The following PPP1R12B variants were observed in gnomAD, a reference collection of about 807,000 sequenced individuals.
PPP1R12B encodes the protein myosin phosphatase target subunit 2.
PPP1R12B carries 76 observed loss-of-function variants against 126.1 expected under a neutral mutation model. The ratio of observed to expected loss-of-function variants is 0.60; its 90% CI spans 0.50 to 0.73. The LOEUF (loss-of-function observed/expected upper bound fraction) is 0.73. Ranked by LOEUF, PPP1R12B falls within the 30% of genes least tolerant of loss-of-function variation. The probability of loss-of-function intolerance (pLI) is 0.00; values close to 1 mark genes in which losing one functional copy is unlikely to be tolerated. For missense variants in PPP1R12B, 1,052 were observed against 1,205.1 expected (o/e 0.87, Z 1.88); for synonymous variants, 356 against 434.7 (o/e 0.82, Z 2.25).
chr1:202,547,128 T>G (rs1233146717), intron 18 of PPP1R12B, among the ~76,000 whole-genome samples: 4 of 152,204 alleles, frequency 2.6e-5, no homozygotes, highest in African/African-American at 9.6e-5. Flanking sequence ...CTAAGCTGTG[T>G]GACAAATACC....
At chr1:202,532,809 AT>A (rs757824486) in intron 18 of PPP1R12B, among the ~76,000 whole-genome samples, 5 of 145,190 alleles carry the variant, frequency 3.4e-5, no homozygotes, top group Non-Finnish European at 7.5e-5. Context: ...TTACAGAAAT[AT>A]TTCAAGAATA....
In PPP1R12B at chr1:202,348,917, G is replaced by T; in HGVS notation, c.66G>T (p.Gln22His). 6.2e-7 allele frequency: 1 copy of T among 1,608,942 alleles called. No individual in the cohort carries two copies. Among genetic ancestry groups the T allele is most frequent in the Non-Finnish European group, 8.5e-7 (1 of 1,178,518 alleles). ...AESARMRRAE[Q>H]LRRWRGSLTE... ...CGGCGCGAATGCGGCGGGCAGAGCA[G>T]CTTCGGCGCTGGCGGGGCTCGCTGA... Residue 22 changes from glutamine (Q) to histidine (H), a missense_variant, in exon 1 of 24, where the codon CAG becomes CAT. Coordinates refer to ENST00000608999, the MANE Select transcript of PPP1R12B (RefSeq NM_002481.4).
rs1369254516 is a variant in PPP1R12B, at chr1:202,373,662, TG to T, written c.291+24521del. Among the ~76,000 whole-genome samples, 373 of 120,880 alleles carry T rather than the reference TG, an allele frequency of 3.1e-3. 2 individuals carry two copies. The highest frequency in any genetic ancestry group is 9.0e-3 in the African/African-American group (359 of 40,042). 79.3% of individuals were successfully genotyped at this position (120,880 alleles called of 152,430 possible). A position where few individuals can be genotyped will look rare whatever the true frequency, so the allele number is the denominator to read the frequency against. Reference sequence around the variant, plus strand: ...TAATAATTGTGACAGAAGATATCTTTGTTTTTTTTTTCCTTTAACGAGAATG... The same window carrying T: ...TAATAATTGTGACAGAAGATATCTTTTTTTTTTTTTCCTTTAACGAGAATG... On this transcript the variant is annotated intron_variant, in intron 1 of 23. Transcript: ENST00000608999.
intron 13 of PPP1R12B, among the ~76,000 whole-genome samples, chr1:202,486,606 A>G (rs768617334): frequency 2.6e-5 from 4 of 152,200 alleles, no homozygotes; most frequent in Admixed American, 6.5e-5. Flanking sequence ...GGAGTTCAAG[A>G]TCAGCCTAGG....
chr1:202,475,170 A>T (rs182745199), intron 13 of PPP1R12B, among the ~76,000 whole-genome samples: 62 of 152,306 alleles, frequency 4.1e-4, no homozygotes, highest in African/African-American at 1.3e-3. Context: ...ATTGTACCAT[A>T]GTATTAGCCT....
At chr1:202,511,957 G>C (rs1681573156) in intron 18 of PPP1R12B, among the ~76,000 whole-genome samples, 1 of 152,006 alleles carries the variant, frequency 6.6e-6, no homozygotes, top group Admixed American at 6.6e-5. Flanking sequence ...TCCAAGTTGA[G>C]ATGTCAAGTA....
At chr1:202,569,424 TG>T (rs1688381594) in intron 23 of PPP1R12B, among the ~76,000 whole-genome samples, 2 of 152,176 alleles carry the variant, frequency 1.3e-5, no homozygotes, top group Admixed American at 1.3e-4. Flanking sequence ...GAAAAAATAC[TG>T]CCTTTGGTTT....
At chr1:202,538,333 A>G (rs1684763687) in intron 18 of PPP1R12B, among the ~76,000 whole-genome samples, 1 of 152,202 alleles carries the variant, frequency 6.6e-6, no homozygotes. Context: ...CTGGTTTATG[A>G]TAGAATTTAT....
At position 202,546,934 on chromosome 1, in the gene PPP1R12B, T is replaced by C. The variant is rs569867303; in HGVS notation, c.2491-11943T>C. On this transcript the variant is annotated intron_variant, in intron 18 of 23. Coordinates refer to ENST00000608999, the MANE Select transcript of PPP1R12B (RefSeq NM_002481.4). Reference sequence around the variant, plus strand: ...TTTCTAATGGCGCTTTCCTATTCCATCACCACTGGAATCACATGCAGGAAG... The same window carrying C: ...TTTCTAATGGCGCTTTCCTATTCCACCACCACTGGAATCACATGCAGGAAG... Among the ~76,000 whole-genome samples the C allele has an allele frequency of 2.0e-5, 3 of 152,294 alleles. No individual in the cohort carries two copies. The East Asian group carries it at 5.8e-4, about 29-fold the overall frequency.
chr1:202,467,529 C>T (rs1441606138), intron 13 of PPP1R12B, among the ~76,000 whole-genome samples: 1 of 152,176 alleles, frequency 6.6e-6, no homozygotes, highest in Admixed American at 6.5e-5. Flanking sequence ...CCAGCTTCAT[C>T]CACGTCCCTA....
At position 202,436,482 on chromosome 1, in the gene PPP1R12B, T is replaced by A. The variant is rs977414201; in HGVS notation, c.1255-1339T>A. Among the ~76,000 whole-genome samples the A allele has an allele frequency of 1.7e-4, 26 of 152,130 alleles. 1 individual carries two copies. Among genetic ancestry groups the A allele is most frequent in the Admixed American group, 6.5e-5 (1 of 15,268 alleles). On this transcript the variant is annotated intron_variant, in intron 9 of 23. Coordinates refer to ENST00000608999, the MANE Select transcript of PPP1R12B (RefSeq NM_002481.4). ...GAGTTGGAGATGAGTGATTTAATATTTTTATTTATTTTCGCTGTATCAGGC... is the reference window on the plus strand; with the variant it reads ...GAGTTGGAGATGAGTGATTTAATATATTTATTTATTTTCGCTGTATCAGGC...
At chr1:202,441,891 C>G (rs1671667349) in intron 11 of PPP1R12B, among the ~76,000 whole-genome samples, 1 of 151,982 alleles carries the variant, frequency 6.6e-6, no homozygotes, top group South Asian at 2.1e-4. Context: ...AAGTCTCACT[C>G]TGTCGCCCAG....
rs1679466117 is a variant in PPP1R12B, at chr1:202,495,696, TCTGTG to T, written c.2448+18_2448+22del. On this transcript the variant is annotated intron_variant, in intron 17 of 23. Coordinates refer to ENST00000608999, the MANE Select transcript of PPP1R12B (RefSeq NM_002481.4). ...TGGACAAAGGATGTAAGTGGATTGG[TCTGTG>T]CTGAGGCATATCATATTACTCTTGG... 1 of 1,607,710 alleles carries T rather than the reference TCTGTG, an allele frequency of 6.2e-7. No individual in the cohort carries two copies.
At position 202,449,063 on chromosome 1, in the gene PPP1R12B, G is replaced by A. The variant is rs772312619; in HGVS notation, c.1742G>A (p.Cys581Tyr). 6.2e-7 allele frequency: 1 copy of A among 1,613,872 alleles called. No individual in the cohort carries two copies. The highest frequency in any genetic ancestry group is 1.7e-5 in the Admixed American group (1 of 60,004). ...ADNVSSSTPL[C>Y]VITNRPLPST... The stretch of plus-strand genomic sequence containing the variant: ...AATGTCTCTTCTAGCACCCCGCTCT[G>A]TGTGATCACCAATCGCCCTCTTCCT... The change falls in exon 13 of 24, where the codon TGT (cysteine) becomes TAT (tyrosine). Residue 581 changes from cysteine to tyrosine, a missense_variant. Coordinates refer to ENST00000608999, the MANE Select transcript of PPP1R12B (RefSeq NM_002481.4).
chr1:202,564,661 G>A (rs934727968), intron 21 of PPP1R12B, 114 bp downstream of exon 21: 15 of 741,734 alleles, frequency 2.0e-5, no homozygotes, highest in South Asian at 5.5e-5. Context: ...AGGCCTTCTC[G>A]GGGCAATGAG....
At chr1:202,414,556 A>G (rs1667819610) in intron 1 of PPP1R12B, among the ~76,000 whole-genome samples, 1 of 152,218 alleles carries the variant, frequency 6.6e-6, no homozygotes, top group South Asian at 2.1e-4. Context: ...TGTCAAGCTC[A>G]TGGTGGTAGC....
chr1:202,439,050 C>T (rs1671245845), intron 10 of PPP1R12B: 3 of 1,381,474 alleles, frequency 2.2e-6, no homozygotes, highest in African/African-American at 1.4e-5. Flanking sequence ...TTCATCCTGG[C>T]CGCCAACTCC....
At chr1:202,527,766 A>G (rs1397460940) in intron 18 of PPP1R12B, among the ~76,000 whole-genome samples, 1 of 151,998 alleles carries the variant, frequency 6.6e-6, no homozygotes, top group Non-Finnish European at 1.5e-5. Context: ...AGGAACAAGT[A>G]TAATAATACT....
At chr1:202,394,014 A>G (rs1010293447) in intron 1 of PPP1R12B, among the ~76,000 whole-genome samples, 14 of 152,244 alleles carry the variant, frequency 9.2e-5, no homozygotes, top group Non-Finnish European at 1.6e-4. Flanking sequence ...ACTGAAGTAC[A>G]TATAATATGT....
Sources: gnomAD v4.1 joint callset for allele counts (sites outside exome capture counted in the v4.1 genomes callset) on GRCh38, gnomAD v4.1.1 for gene constraint, MANE v1.5 for transcripts, NCBI Gene and HGNC (gene_info 2026-07-23, HGNC 2026-07-21) for gene names.